Variants in SFMBT2 observed in about 807,000 individuals in gnomAD.
The protein encoded by SFMBT2 is Scm like with four mbt domains 2, also known as scm-like with four MBT domains protein 2.
Under a neutral mutation model 110.1 loss-of-function variants are expected in SFMBT2, and 38 were observed. The observed-to-expected ratio is 0.35, with a 90% CI of 0.27 to 0.45. The LOEUF is 0.45. Ranked by LOEUF, SFMBT2 falls within the 20% of genes least tolerant of loss-of-function variation. SFMBT2 has a pLI of 1.00. For synonymous variants in SFMBT2, 425 were observed against 425.4 expected (o/e 1.00, Z 0.01); for missense variants, 1,011 against 1,094.9 (o/e 0.92, Z 1.08).
intron 4 of SFMBT2, among the ~76,000 whole-genome samples, chr10:7,310,174 A>G (rs1393601244): frequency 6.6e-6 from 1 of 152,342 alleles, no homozygotes; most frequent in East Asian, 1.9e-4. Context: ...TCAAACATCT[A>G]TATTAACTTG....
intron 4 of SFMBT2, among the ~76,000 whole-genome samples, chr10:7,291,018 C>T (rs759157653): frequency 6.6e-6 from 1 of 152,156 alleles, no homozygotes; most frequent in Non-Finnish European, 1.5e-5. Flanking sequence ...CTGTGTAGAC[C>T]GGGCTGTGAG....
chr10:7,238,148 C>T (rs1468787644), intron 9 of SFMBT2, among the ~76,000 whole-genome samples: 3 of 152,120 alleles, frequency 2.0e-5, no homozygotes, highest in East Asian at 1.9e-4. Context: ...CTAACACGAT[C>T]GATCTGACTG....
At chr10:7,370,779 A>T (rs1291190810) in intron 2 of SFMBT2, 3 of 958,016 alleles carry the variant, frequency 3.1e-6, no homozygotes, top group Non-Finnish European at 3.7e-6. Context: ...GTAGGCTGTG[A>T]TGTATACAGA....
At chr10:7,296,324 C>T (rs141889865) in intron 4 of SFMBT2, among the ~76,000 whole-genome samples, 3 of 152,318 alleles carry the variant, frequency 2.0e-5, no homozygotes, top group African/African-American at 7.2e-5. Flanking sequence ...AAAACTAATT[C>T]TTACAGTTCT....
chr10:7,197,424 C>T (rs2762604), intron 15 of SFMBT2, 124 bp downstream of exon 15: 451,720 of 1,306,424 alleles, frequency 0.35, 82,525 homozygotes, highest in South Asian at 0.44. Context: ...ATGGAGAGAA[C>T]GGAGGTCTCG....
chr10:7,332,434 T>C (rs1461231159), intron 4 of SFMBT2, among the ~76,000 whole-genome samples: 1 of 152,222 alleles, frequency 6.6e-6, no homozygotes, highest in African/African-American at 2.4e-5. Flanking sequence ...TGCATATTCT[T>C]TAATAGTTTG....
chr10:7,342,598 A>G (rs1374596781), intron 4 of SFMBT2, among the ~76,000 whole-genome samples: 1 of 151,432 alleles, frequency 6.6e-6, no homozygotes, highest in Non-Finnish European at 1.5e-5. Flanking sequence ...TTTAATAGAG[A>G]CAGGGTTTCA....
intron 7 of SFMBT2, among the ~76,000 whole-genome samples, chr10:7,275,803 T>C (rs757631403): frequency 2.0e-5 from 3 of 152,198 alleles, no homozygotes; most frequent in Non-Finnish European, 2.9e-5. Flanking sequence ...AAAGGCTGAG[T>C]GAGGACTTAG....
At chr10:7,174,435 C>T (rs1356578256) in intron 17 of SFMBT2, among the ~76,000 whole-genome samples, 1 of 152,210 alleles carries the variant, frequency 6.6e-6, no homozygotes, top group African/African-American at 2.4e-5. Context: ...GACTGGGTGA[C>T]CCCTGCTTTT....
intron 1 of SFMBT2, among the ~76,000 whole-genome samples, chr10:7,390,341 T>TA (rs1845731052): frequency 3.9e-5 from 6 of 152,318 alleles, no homozygotes; most frequent in Admixed American, 3.9e-4. Flanking sequence ...TCAAGCTAGT[T>TA]AAAACTCATG....
intron 9 of SFMBT2, among the ~76,000 whole-genome samples, chr10:7,236,716 G>A (rs972914399): frequency 1.3e-5 from 2 of 152,064 alleles, no homozygotes; most frequent in Non-Finnish European, 2.9e-5. Context: ...AAACACATCA[G>A]TAGGAAGGAA....
At chr10:7,278,793 G>C (rs1315179539) in intron 6 of SFMBT2, among the ~76,000 whole-genome samples, 1 of 152,122 alleles carries the variant, frequency 6.6e-6, no homozygotes, top group Admixed American at 6.5e-5. Context: ...GATGCCCTGA[G>C]ACAGAAGAGA....
intron 16 of SFMBT2, among the ~76,000 whole-genome samples, chr10:7,178,056 C>T (rs1301535291): frequency 6.6e-6 from 1 of 152,172 alleles, no homozygotes; most frequent in African/African-American, 2.4e-5. Context: ...AACATCGTTG[C>T]AAAAGCCATG....
At chr10:7,311,914 G>A (rs770444454) in intron 4 of SFMBT2, among the ~76,000 whole-genome samples, 24 of 152,152 alleles carry the variant, frequency 1.6e-4, no homozygotes, top group Non-Finnish European at 2.5e-4. Flanking sequence ...TCTACAAGTC[G>A]CAAACTAAAA....
At chr10:7,186,036 G>C (rs1838391281) in intron 16 of SFMBT2, among the ~76,000 whole-genome samples, 1 of 152,068 alleles carries the variant, frequency 6.6e-6, no homozygotes, top group Non-Finnish European at 1.5e-5. Context: ...AGGTAATAAT[G>C]ATAGACTCCT....
intron 4 of SFMBT2, among the ~76,000 whole-genome samples, chr10:7,296,809 C>T (rs377646605): frequency 3.3e-5 from 5 of 152,340 alleles, no homozygotes; most frequent in South Asian, 2.1e-4. Flanking sequence ...TCCTCCCTGA[C>T]GTGGGTGGGC....
chr10:7,366,134 A>G (rs1371190279), intron 4 of SFMBT2, among the ~76,000 whole-genome samples: 1 of 152,178 alleles, frequency 6.6e-6, no homozygotes, highest in Non-Finnish European at 1.5e-5. Flanking sequence ...CAGCTGGAGC[A>G]GGAGGAGGAT....
At chr10:7,328,796 A>G (rs1185914385) in intron 4 of SFMBT2, among the ~76,000 whole-genome samples, 1 of 152,228 alleles carries the variant, frequency 6.6e-6, no homozygotes, top group African/African-American at 2.4e-5. Context: ...CTCTCTGTGT[A>G]CAAATACATT....
chr10:7,371,529 T>G (rs139031043), intron 2 of SFMBT2, among the ~76,000 whole-genome samples: 1 of 152,320 alleles, frequency 6.6e-6, no homozygotes, highest in Non-Finnish European at 1.5e-5. Context: ...AAAACTTGTA[T>G]AGCCAAAAAG....
Sources: allele counts gnomAD v4.1 joint callset (sites outside exome capture counted in the v4.1 genomes callset), GRCh38; gene constraint gnomAD v4.1.1; transcripts MANE v1.5; gene names NCBI Gene and HGNC (gene_info 2026-07-23, HGNC 2026-07-21).